Variants in KANSL1 observed in about 807,000 individuals in gnomAD.
KANSL1 encodes the protein MLL1/MLL complex subunit KANSL1.
KANSL1 carries 22 observed loss-of-function variants against 103.6 expected under a neutral mutation model. The ratio of observed to expected loss-of-function variants is 0.21; its 90% confidence interval spans 0.15 to 0.30. KANSL1 has a LOEUF of 0.30. Among genes scored for constraint, KANSL1 ranks in the 10% least tolerant of loss-of-function variants. The probability of loss-of-function intolerance (pLI) is 1.00; values close to 1 mark genes in which losing one functional copy is unlikely to be tolerated. For synonymous variants in KANSL1, 600 were observed against 527.6 expected, an observed-to-expected ratio of 1.14 and a Z score of -1.88; for missense variants, 1,337 against 1,399.8, an observed-to-expected ratio of 0.96 and a Z score of 0.72.
At chr17:46,186,904 T>G (rs74615901) in intron 1 of KANSL1, among the ~76,000 whole-genome samples, 1 of 90,942 alleles carries the variant, frequency 1.1e-5, no homozygotes, top group African/African-American at 4.3e-5. Flanking sequence ...ATTTTTGCTG[T>G]TTTTTTTTTT....
chr17:46,186,316 G>C (rs2047032240), intron 1 of KANSL1, among the ~76,000 whole-genome samples: 1 of 151,474 alleles, frequency 6.6e-6, no homozygotes, highest in Non-Finnish European at 1.5e-5. Context: ...CCAGGAGGCA[G>C]AGCTTGCAGT....
chr17:46,056,243 C>T (rs1598496488), intron 6 of KANSL1, among the ~76,000 whole-genome samples: 1 of 152,186 alleles, frequency 6.6e-6, no homozygotes, highest in Non-Finnish European at 1.5e-5. Flanking sequence ...AGGTAATCCA[C>T]CCACCTTGGC....
chr17:46,164,118 T>A (rs573021042), intron 2 of KANSL1, among the ~76,000 whole-genome samples: 1 of 152,316 alleles, frequency 6.6e-6, no homozygotes, highest in East Asian at 1.9e-4. Flanking sequence ...TCATCTGTTA[T>A]CTCTTGTGTC....
chr17:46,083,836 T>G (rs1413987472), intron 3 of KANSL1, among the ~76,000 whole-genome samples: 1 of 152,126 alleles, frequency 6.6e-6, no homozygotes. Flanking sequence ...TTGTGACTAT[T>G]AGTCTTAGCT....
chr17:46,125,812 C>T (rs2043528069), intron 2 of KANSL1, among the ~76,000 whole-genome samples: 1 of 152,176 alleles, frequency 6.6e-6, no homozygotes, highest in African/African-American at 2.4e-5. Context: ...TTTCCATTCT[C>T]AAGCTTTAAA....
At chr17:46,089,413 G>A (rs116192144) in intron 3 of KANSL1, among the ~76,000 whole-genome samples, 1,675 of 138,798 alleles carry the variant, frequency 0.012, 29 homozygotes, top group African/African-American at 0.04. Flanking sequence ...TTTTTTTTTG[G>A]TAATACGCCA....
rs527538182 is a variant in KANSL1 at position 46,139,919 on chromosome 17, G to A, written c.1289+30936C>T. Among the ~76,000 whole-genome samples the A allele has an allele frequency of 8.5e-5, 13 of 152,262 alleles. No homozygotes were observed. In the South Asian group the frequency reaches 2.3e-3, roughly 27 times the overall value. ...AATTTTTAAAAATACTTTTGGTCCTGGTTTACAGGCCACCACAATAATTCA... is the reference window on the plus strand; with the variant it reads ...AATTTTTAAAAATACTTTTGGTCCTAGTTTACAGGCCACCACAATAATTCA... On this transcript the variant is annotated intron_variant, in intron 2 of 14. Coordinates refer to ENST00000432791, the MANE Select transcript of KANSL1 (RefSeq NM_015443.4).
At chr17:46,059,667 A>AGAGAGAGAGAGAGAGAGAG (rs1460792950) in intron 6 of KANSL1, among the ~76,000 whole-genome samples, 2 of 97,128 alleles carry the variant, frequency 2.1e-5, no homozygotes, top group African/African-American at 7.2e-5. Flanking sequence ...GAGAGAGAGA[A>AGAGAGAGAGAGAGAGAGAG]AAGGAAACTG....
upstream of KANSL1, among the ~76,000 whole-genome samples, chr17:46,194,064 A>T (rs2532236): frequency 6.7e-6 from 1 of 150,356 alleles, no homozygotes; most frequent in Non-Finnish European, 1.5e-5. Context: ...CGGGGTGGGG[A>T]GGGTGCACGT....
At chr17:46,093,214 C>A (rs1181108882) in intron 3 of KANSL1, 1 of 152,238 alleles carries the variant, frequency 6.6e-6, no homozygotes, top group Non-Finnish European at 1.5e-5. Flanking sequence ...CAGGCATATC[C>A]AGTCACCTCC....
chr17:46,189,612 G>C (rs1183180725), intron 1 of KANSL1, among the ~76,000 whole-genome samples: 1 of 152,242 alleles, frequency 6.6e-6, no homozygotes, highest in Non-Finnish European at 1.5e-5. Flanking sequence ...GCTAAGCGTA[G>C]TGGTTCATGC....
At chr17:46,139,327 C>T (rs2044306102) in intron 2 of KANSL1, among the ~76,000 whole-genome samples, 1 of 149,896 alleles carries the variant, frequency 6.7e-6, no homozygotes, top group Non-Finnish European at 1.5e-5. Flanking sequence ...TAATGACTAA[C>T]ATGCTTTAAA....
At chr17:46,156,104 T>C (rs550876199) in intron 2 of KANSL1, among the ~76,000 whole-genome samples, 106 of 152,352 alleles carry the variant, frequency 7.0e-4, no homozygotes, top group African/African-American at 2.4e-3. Context: ...CCCAACACTT[T>C]TGGGAGGCCA....
chr17:46,065,483 C>T (rs1198334998), intron 6 of KANSL1, among the ~76,000 whole-genome samples: 1 of 152,114 alleles, frequency 6.6e-6, no homozygotes, highest in African/African-American at 2.4e-5. Context: ...ACAATAACAG[C>T]CACTTTGTAC....
intron 6 of KANSL1, among the ~76,000 whole-genome samples, chr17:46,052,429 A>AC (rs879862437): frequency 5.9e-5 from 9 of 151,970 alleles, no homozygotes; most frequent in Non-Finnish European, 1.0e-4. Context: ...ACATGGTGAA[A>AC]CCCCGACTCT....
intron 1 of KANSL1, among the ~76,000 whole-genome samples, chr17:46,209,652 T>C (rs1271730368): frequency 2.6e-5 from 4 of 152,062 alleles, no homozygotes; most frequent in Non-Finnish European, 5.9e-5. Flanking sequence ...TGCCACCACA[T>C]TTGGCTGATT....
intron 1 of KANSL1, among the ~76,000 whole-genome samples, chr17:46,185,851 A>AT (rs1189873921): frequency 6.6e-6 from 1 of 152,118 alleles, no homozygotes; most frequent in Non-Finnish European, 1.5e-5. Flanking sequence ...GCAAGATACC[A>AT]TCTCAAGAAA....
At chr17:46,225,142 C>T (rs1312936675), upstream of KANSL1, among the ~76,000 whole-genome samples, 6 of 152,008 alleles carry the variant, frequency 3.9e-5, no homozygotes, top group Admixed American at 3.9e-4. Flanking sequence ...CGTCCCCTCT[C>T]CCCCAGCCCC....
intron 1 of KANSL1, chr17:46,192,419 C>T (rs796052591): frequency 1.3e-5 from 2 of 152,470 alleles, no homozygotes; most frequent in South Asian, 2.1e-4. Flanking sequence ...TGATACAAAC[C>T]GTGCAACGCG....
Sources: gnomAD v4.1 joint callset for allele counts (sites outside exome capture counted in the v4.1 genomes callset) on GRCh38, gnomAD v4.1.1 for gene constraint, MANE v1.5 for transcripts, NCBI Gene and HGNC (gene_info 2026-07-23, HGNC 2026-07-21) for gene names.